Variants in IL1RL1 observed in about 807,000 individuals in gnomAD.
IL1RL1 encodes interleukin-1 receptor-like 1.
IL1RL1 carries 32 observed loss-of-function variants against 50.9 expected under a neutral mutation model. The ratio of observed to expected loss-of-function variants is 0.63; its 90% CI spans 0.47 to 0.84. The LOEUF (loss-of-function observed/expected upper bound fraction) is 0.84, where lower values mean the gene tolerates loss of function less well. Ranked by LOEUF, IL1RL1 falls within the 40% of genes least tolerant of loss-of-function variation. IL1RL1 has a pLI of 0.00. For synonymous variants in IL1RL1, 275 were observed against 236.0 expected (o/e 1.17, Z -1.51); for missense variants, 773 against 662.9 (o/e 1.17, Z -1.82).
intron 8 of IL1RL1, chr2:102,345,152 C>T (rs1016246589): frequency 1.1e-6 from 1 of 908,146 alleles, no homozygotes; most frequent in Non-Finnish European, 1.3e-6. Context: ...AGTCATTGTG[C>T]TTTTTATCAT....
intron 1 of IL1RL1, among the ~76,000 whole-genome samples, chr2:102,337,613 T>C (rs1048753103): frequency 1.3e-5 from 2 of 152,214 alleles, no homozygotes; most frequent in East Asian, 3.9e-4. Flanking sequence ...GGGTTGAGAA[T>C]AGGACAATTA....
intron 1 of IL1RL1, among the ~76,000 whole-genome samples, chr2:102,326,413 G>A (rs1003151510): frequency 6.6e-5 from 10 of 152,080 alleles, no homozygotes; most frequent in Non-Finnish European, 1.5e-4. Flanking sequence ...AAATTGTAAA[G>A]ACCATCAAGG....
intron 1 of IL1RL1, among the ~76,000 whole-genome samples, chr2:102,327,982 G>T (rs1246525167): frequency 1.3e-5 from 2 of 152,116 alleles, no homozygotes; most frequent in Non-Finnish European, 2.9e-5. Flanking sequence ...AGAAAAAGAG[G>T]GAATCCTCCC....
chr2:102,343,060 C>T lies in IL1RL1; in HGVS notation c.707C>T (p.Ser236Phe). 6.2e-7 allele frequency: 1 copy of T among 1,613,994 alleles called. No individual in the cohort carries two copies. The highest frequency in any genetic ancestry group is 8.5e-7 in the Non-Finnish European group (1 of 1,180,002). The change falls in exon 7 of 11, where the codon TCT (serine) becomes TTT (phenylalanine). Residue 236 changes from serine to phenylalanine, a missense_variant. Physicochemically the swap from Ser to Phe is radical, Grantham distance 155. Coordinates refer to ENST00000233954, the MANE Select transcript of IL1RL1 (RefSeq NM_016232.5). ...EIGKNANLTC[S>F]ACFGKGTQFL... ...GGAAAAAACGCAAACCTAACTTGCT[C>T]TGCTTGTTTTGGAAAAGGCACTCAG...
intron 1 of IL1RL1, among the ~76,000 whole-genome samples, chr2:102,321,017 C>T (rs1559595409): frequency 6.6e-6 from 1 of 152,244 alleles, no homozygotes; most frequent in Admixed American, 6.5e-5. Flanking sequence ...GCTCTCACTG[C>T]TCTGGAGTTC....
intron 8 of IL1RL1, chr2:102,345,348 G>A: frequency 1.0e-6 from 1 of 985,432 alleles, no homozygotes; most frequent in Non-Finnish European, 1.2e-6. Flanking sequence ...TCCAGGCAAA[G>A]ACATCCTGTT....
chr2:102,343,523 C>A (rs972862140), intron 8 of IL1RL1, 108 bp downstream of exon 8: 23 of 1,595,032 alleles, frequency 1.4e-5, no homozygotes, highest in Non-Finnish European at 1.8e-5. Flanking sequence ...ATGGCCTGTG[C>A]CATAAAATGT....
intron 5 of IL1RL1, among the ~76,000 whole-genome samples, chr2:102,341,511 C>A (rs1203049240): frequency 6.6e-6 from 1 of 152,110 alleles, no homozygotes; most frequent in Non-Finnish European, 1.5e-5. Context: ...GATGTAATAG[C>A]CCCTTTACGT....
intron 5 of IL1RL1, chr2:102,341,299 G>A (rs1217113958): frequency 1.6e-6 from 2 of 1,249,048 alleles, no homozygotes; most frequent in Admixed American, 3.2e-5. Flanking sequence ...GTACATAAAT[G>A]TTGTCGAGTG....
intron 8 of IL1RL1, chr2:102,345,124 G>C (rs1220093368): frequency 4.6e-6 from 4 of 867,136 alleles, no homozygotes; most frequent in Non-Finnish European, 5.5e-6. Context: ...TTTCAAAACA[G>C]TGATAAAGCT....
rs756672386 is a variant in IL1RL1, at chr2:102,343,319, G to A, written c.874G>A (p.Val292Met). 1.9e-5 allele frequency: 30 copies of A among 1,614,214 alleles called. 1 individual carries two copies. The highest frequency in any genetic ancestry group is 3.3e-4 in the Middle Eastern group (2 of 6,062). Residue 292 changes from valine (V) to methionine (M), a missense_variant, in exon 8 of 11, where the codon GTG (valine) becomes ATG (methionine). By Grantham distance (21) the Val-to-Met change is conservative (BLOSUM62 1). Coordinates refer to ENST00000233954, the MANE Select transcript of IL1RL1 (RefSeq NM_016232.5). ...CLDMVLRIAD[V>M]KEEDLLLQYD... ...AGACATGGTTTTAAGAATAGCTGAC[G>A]TGAAGGAAGAGGATTTATTGCTGCA...
chr2:102,339,157 T>C, intron 3 of IL1RL1, 110 bp downstream of exon 3: 2 of 723,810 alleles, frequency 2.8e-6, no homozygotes, highest in South Asian at 1.7e-5. Context: ...TCTGGAACAG[T>C]TAAATTTATA....
In IL1RL1 at chr2:102,325,213, G is replaced by T. The variant is rs1676960836; in HGVS notation, c.-149-12903G>T. Among the ~76,000 whole-genome samples the T allele has an allele frequency of 2.0e-5, 3 of 152,344 alleles. No homozygotes were observed. The South Asian group carries it at 6.2e-4, about 32-fold the overall frequency. On this transcript the variant is annotated intron_variant, in intron 1 of 10. Transcript: ENST00000233954. ...GTTCACCAATATCCGCTGTTCTGCA[G>T]CCTCTGCTGCTGATACCCAGGCAAA...
intron 1 of IL1RL1, among the ~76,000 whole-genome samples, chr2:102,328,276 G>T (rs1171949627): frequency 6.6e-6 from 1 of 152,150 alleles, no homozygotes; most frequent in Non-Finnish European, 1.5e-5. Context: ...CTCAATAGAT[G>T]CAGAAAAGGC....
chr2:102,336,029 G>A (rs1677314450), intron 1 of IL1RL1, among the ~76,000 whole-genome samples: 1 of 152,162 alleles, frequency 6.6e-6, no homozygotes, highest in African/African-American at 2.4e-5. Context: ...CCACTCCACA[G>A]GCTGAAAGGC....
Position 102,311,963 on chromosome 2 carries a change from TATATAATA to T in IL1RL1, c.-150+341_-150+348del, listed in dbSNP as rs1676506941. 2.5e-4 allele frequency among the ~76,000 whole-genome samples: 8 copies of T among 31,982 alleles called. 1 individual carries two copies. Among genetic ancestry groups the T allele is most frequent in the South Asian group, 2.4e-3 (4 of 1,698 alleles). The allele number at this position is 31,982 out of a possible 152,430, so 21.0% of individuals were successfully genotyped here. A position where few individuals can be genotyped will look rare whatever the true frequency, so the allele number is the denominator to read the frequency against. The stretch of plus-strand genomic sequence containing the variant: ...ATAATATTATATATAATATATATTA[TATATAATA>T]TTATATATAATATATATTATATATA... On this transcript the variant is annotated intron_variant, in intron 1 of 10. Coordinates refer to ENST00000233954, the MANE Select transcript of IL1RL1 (RefSeq NM_016232.5).
At chr2:102,312,163 A>T (rs1306010444) in intron 1 of IL1RL1, among the ~76,000 whole-genome samples, 1 of 135,346 alleles carries the variant, frequency 7.4e-6, no homozygotes, top group Admixed American at 8.6e-5. Context: ...CAGAGGGAAG[A>T]CTTAGCTTTC....
chr2:102,345,043 T>C lies in IL1RL1; in HGVS notation c.970+1628T>C, dbSNP rs1262930248. On this transcript the variant is annotated intron_variant, in intron 8 of 10. Coordinates refer to ENST00000233954, the MANE Select transcript of IL1RL1 (RefSeq NM_016232.5). ...TATAAATAATTGGTGGCATCACAAA[T>C]AGCCAAAGCAGGGTGGAGAGAGTGA... 3 of 944,540 alleles carry C rather than the reference T, an allele frequency of 3.2e-6. No individual in the cohort carries two copies. The African/African-American group carries it at 5.3e-5, about 17-fold the overall frequency. The allele number at this position is 944,540 out of a possible 1,614,324, so 58.5% of individuals were successfully genotyped here. A position where few individuals can be genotyped will look rare whatever the true frequency, so the allele number is the denominator to read the frequency against.
rs764931545 is a variant in IL1RL1 at position 102,340,083 on chromosome 2, G to A, written c.273-15G>A. On this transcript the variant is annotated splice_polypyrimidine_tract_variant and intron_variant, in intron 3 of 10. Coordinates refer to ENST00000233954, the MANE Select transcript of IL1RL1 (RefSeq NM_016232.5). The stretch of plus-strand genomic sequence containing the variant: ...TGCTAAGTGACTCTTTTAATTGTCT[G>A]ACTTATTTTAACAGTCCCACATTCA... 1.4e-6 allele frequency: 2 copies of A among 1,448,840 alleles called. No individual in the cohort carries two copies. The highest frequency in any genetic ancestry group is 2.6e-5 in the Admixed American group (1 of 38,636). 89.7% of individuals were successfully genotyped at this position (1,448,840 alleles called of 1,614,324 possible). A position where few individuals can be genotyped will look rare whatever the true frequency, so the allele number is the denominator to read the frequency against.
Sources: gnomAD v4.1 joint callset for allele counts (sites outside exome capture counted in the v4.1 genomes callset) on GRCh38, gnomAD v4.1.1 for gene constraint, MANE v1.5 for transcripts, NCBI Gene and HGNC (gene_info 2026-07-23, HGNC 2026-07-21) for gene names.